TAFA1: variants seen among roughly 807,000 people sequenced by gnomAD.
TAFA1 encodes TAFA chemokine like family member 1.
A neutral mutation model predicts 18.5 loss-of-function variants in TAFA1; 4 were observed. That is an observed-to-expected ratio of 0.22 (90% CI 0.11 to 0.49). The LOEUF is 0.49. Ranked by LOEUF, TAFA1 falls within the 20% of genes least tolerant of loss-of-function variation. The pLI is 0.98. For synonymous variants in TAFA1, 56 were observed against 55.2 expected, an observed-to-expected ratio of 1.01 and a Z score of -0.06; for missense variants, 147 against 169.0, an observed-to-expected ratio of 0.87 and a Z score of 0.72.
intron 2 of TAFA1, among the ~76,000 whole-genome samples, chr3:68,200,006 AT>A (rs1575675653): frequency 6.6e-6 from 1 of 151,612 alleles, no homozygotes; most frequent in East Asian, 1.9e-4. Flanking sequence ...CAAGTTGTAC[AT>A]TTTAAAATCA....
intron 2 of TAFA1, among the ~76,000 whole-genome samples, chr3:68,053,080 C>G (rs1378611081): frequency 1.3e-5 from 2 of 152,144 alleles, no homozygotes; most frequent in African/African-American, 4.8e-5. Flanking sequence ...ATCAGATTAC[C>G]CCTGGAGTAT....
At chr3:68,338,550 G>C (rs1204665497) in intron 2 of TAFA1, among the ~76,000 whole-genome samples, 2 of 152,046 alleles carry the variant, frequency 1.3e-5, no homozygotes, top group African/African-American at 4.8e-5. Flanking sequence ...TTTGTGTTAA[G>C]GATTCTCAAT....
intron 2 of TAFA1, among the ~76,000 whole-genome samples, chr3:68,366,820 A>G (rs191542443): frequency 1.3e-5 from 2 of 152,362 alleles, no homozygotes; most frequent in East Asian, 1.9e-4. Flanking sequence ...TATGTGCTCA[A>G]TAAACAGAAC....
rs202076662 is a variant in TAFA1 at position 68,262,263 on chromosome 3, A to AT, written c.119-155005dup. Among the ~76,000 whole-genome samples the AT allele has an allele frequency of 6.7e-3, 743 of 110,218 alleles. 48 individuals are homozygous for AT. In the East Asian group the frequency reaches 0.1, roughly 15 times the overall value. 72.3% of individuals were successfully genotyped at this position (110,218 alleles called of 152,430 possible). A position where few individuals can be genotyped will look rare whatever the true frequency, so the allele number is the denominator to read the frequency against. On this transcript the variant is annotated intron_variant, in intron 2 of 4. Transcript: ENST00000478136. Reference sequence around the variant, plus strand: ...CCAAACCCTAAGTCCTGGGTTTAGGATTTTTTTTTTTTAAATTTTCAGCTT... The same window carrying AT: ...CCAAACCCTAAGTCCTGGGTTTAGGATTTTTTTTTTTTTAAATTTTCAGCTT...
intron 2 of TAFA1, among the ~76,000 whole-genome samples, chr3:68,168,686 T>A (rs1210449996): frequency 6.6e-6 from 1 of 152,236 alleles, no homozygotes; most frequent in Non-Finnish European, 1.5e-5. Context: ...GCCATGAGGT[T>A]GCAAGTCTAT....
chr3:68,276,600 G>C (rs926531658), intron 2 of TAFA1, among the ~76,000 whole-genome samples: 7 of 152,134 alleles, frequency 4.6e-5, no homozygotes, highest in Non-Finnish European at 1.0e-4. Context: ...AGAAAACAAA[G>C]TTGCTTAATA....
chr3:68,084,513 C>A (rs1322564906), intron 2 of TAFA1, among the ~76,000 whole-genome samples: 1 of 152,028 alleles, frequency 6.6e-6, no homozygotes, highest in Non-Finnish European at 1.5e-5. Context: ...AAAATTAGTC[C>A]CCGGCTGGAC....
At chr3:68,239,326 AGGAGCGCT>A (rs1446800764) in intron 2 of TAFA1, among the ~76,000 whole-genome samples, 1 of 152,224 alleles carries the variant, frequency 6.6e-6, no homozygotes, top group African/African-American at 2.4e-5. Context: ...ATTAGAACTC[AGGAGCGCT>A]GAATTTAAAT....
intron 2 of TAFA1, among the ~76,000 whole-genome samples, chr3:68,231,605 C>T (rs1296679289): frequency 3.3e-5 from 5 of 151,814 alleles, no homozygotes; most frequent in African/African-American, 1.2e-4. Context: ...CATGATCCAC[C>T]CGCCTCGGCC....
intron 2 of TAFA1, among the ~76,000 whole-genome samples, chr3:68,321,782 A>G (rs922591260): frequency 5.9e-5 from 9 of 152,128 alleles, no homozygotes; most frequent in Non-Finnish European, 1.3e-4. Context: ...CTCCATCTGG[A>G]CTTTGAAGCA....
chr3:68,042,701 T>TA (rs2106681816), intron 2 of TAFA1, among the ~76,000 whole-genome samples: 1 of 152,296 alleles, frequency 6.6e-6, no homozygotes, highest in Admixed American at 6.5e-5. Flanking sequence ...GCACCAACTA[T>TA]AGCTGTGCAT....
intron 3 of TAFA1, among the ~76,000 whole-genome samples, chr3:68,489,875 A>T (rs1396925629): frequency 6.6e-6 from 1 of 152,218 alleles, no homozygotes; most frequent in African/African-American, 2.4e-5. Flanking sequence ...CAAAATGGCA[A>T]GTACATATAT....
At chr3:68,460,669 T>G (rs538694754) in intron 3 of TAFA1, among the ~76,000 whole-genome samples, 127 of 152,252 alleles carry the variant, frequency 8.3e-4, no homozygotes, top group African/African-American at 2.8e-3. Flanking sequence ...CCTACATAGT[T>G]GCCAGAGATG....
chr3:68,475,916 A>G (rs2072085565), intron 3 of TAFA1, among the ~76,000 whole-genome samples: 2 of 152,282 alleles, frequency 1.3e-5, no homozygotes, highest in African/African-American at 4.8e-5. Context: ...GCCAGTGATG[A>G]GGAGCATTTT....
At chr3:68,264,232 C>T (rs977900477) in intron 2 of TAFA1, among the ~76,000 whole-genome samples, 2 of 151,916 alleles carry the variant, frequency 1.3e-5, no homozygotes, top group Non-Finnish European at 2.9e-5. Flanking sequence ...ATCACACCAC[C>T]GCACTCCAGC....
At chr3:68,490,646 A>AT (rs1370640053) in intron 3 of TAFA1, among the ~76,000 whole-genome samples, 1 of 151,892 alleles carries the variant, frequency 6.6e-6, no homozygotes, top group Non-Finnish European at 1.5e-5. Context: ...CTTCTTGCTA[A>AT]TTTTTTTTGT....
intron 2 of TAFA1, among the ~76,000 whole-genome samples, chr3:68,300,678 G>C (rs560138628): frequency 2.6e-5 from 4 of 152,230 alleles, no homozygotes; most frequent in African/African-American, 9.6e-5. Flanking sequence ...ATCTTGAATT[G>C]TAATCCCCAT....
chr3:68,410,705 C>CAAAAAAAAAAAAAA lies in TAFA1; in HGVS notation c.119-6560_119-6547dup, dbSNP rs34714719. 1.4e-4 allele frequency among the ~76,000 whole-genome samples: 5 copies of CAAAAAAAAAAAAAA among 36,650 alleles called. 2 individuals carry two copies. Among genetic ancestry groups the CAAAAAAAAAAAAAA allele is most frequent in the Non-Finnish European group, 1.9e-4 (4 of 20,554 alleles). The allele number at this position is 36,650 out of a possible 152,430, so 24.0% of individuals were successfully genotyped here. ...CAAAAAAGAGACCATTTTCCATAAGCAAAAAAAAAAAAAAAAAAAAAAAAA... is the reference window on the plus strand; with the variant it reads ...CAAAAAAGAGACCATTTTCCATAAGCAAAAAAAAAAAAAAAAAAAAAAAAAAAAAAAAAAAAAAA... On this transcript the variant is annotated intron_variant, in intron 2 of 4. Coordinates refer to ENST00000478136, the MANE Select transcript of TAFA1 (RefSeq NM_213609.4).
intron 3 of TAFA1, among the ~76,000 whole-genome samples, chr3:68,421,170 A>C (rs562820821): frequency 6.6e-6 from 1 of 152,320 alleles, no homozygotes. Context: ...GTTAAGCCAC[A>C]TAACAGTAAT....
Sources: gnomAD v4.1 joint callset for allele counts (sites outside exome capture counted in the v4.1 genomes callset) on GRCh38, gnomAD v4.1.1 for gene constraint, MANE v1.5 for transcripts, NCBI Gene and HGNC (gene_info 2026-07-23, HGNC 2026-07-21) for gene names.